Variants in TXK observed in about 807,000 individuals in gnomAD.
TXK encodes the protein TXK tyrosine kinase.
A neutral mutation model predicts 81.0 loss-of-function variants in TXK; 60 were observed. That is an observed-to-expected ratio of 0.74 (90% CI 0.60 to 0.92). The LOEUF (loss-of-function observed/expected upper bound fraction) is 0.92, where lower values mean the gene tolerates loss of function less well. Among genes scored for constraint, TXK ranks in the 40% least tolerant of loss-of-function variants. The probability of loss-of-function intolerance (pLI) is 0.00; values close to 1 mark genes in which losing one functional copy is unlikely to be tolerated. For missense variants in TXK, 581 were observed against 638.3 expected (o/e 0.91, Z 0.97); for synonymous variants, 203 against 210.7 (o/e 0.96, Z 0.32).
At position 48,076,455 on chromosome 4, in the gene TXK, A is replaced by G. The variant is rs1463638126; in HGVS notation, c.1185T>C (p.Asn395=). The part of the protein sequence containing the change: ...GYIHRDLAAR[N]CLVSSTCIVK... ...CTATGCATGTTGAACTGACCAAACA[A>G]TTCCTTGCCGCCTATGGAAAGAAGA... The change falls in exon 12 of 15, where the codon AAT becomes AAC. Residue 395 remains asparagine, a synonymous_variant. Coordinates refer to ENST00000264316, the MANE Select transcript of TXK (RefSeq NM_003328.3). 1 of 1,612,162 alleles carries G rather than the reference A, an allele frequency of 6.2e-7. No homozygotes were observed. Among genetic ancestry groups the G allele is most frequent in the East Asian group, 2.2e-5 (1 of 44,796 alleles).
Position 48,086,645 on chromosome 4 carries a change from A to C in TXK, c.785-8T>G. 1 of 1,612,482 alleles carries C rather than the reference A, an allele frequency of 6.2e-7. No homozygotes were observed. The highest frequency in any genetic ancestry group is 8.5e-7 in the Non-Finnish European group (1 of 1,178,934). ...GATCTATCTCCCACTTTTCTGAAAA[A>C]GTAAAACATCCATGTTACAAGTAGA... On this transcript the variant is annotated splice_region_variant and splice_polypyrimidine_tract_variant and intron_variant, in intron 9 of 14. Coordinates refer to ENST00000264316, the MANE Select transcript of TXK (RefSeq NM_003328.3).
intron 1 of TXK, among the ~76,000 whole-genome samples, chr4:48,125,692 T>C (rs1664889306): frequency 6.6e-6 from 1 of 152,206 alleles, no homozygotes; most frequent in African/African-American, 2.4e-5. Flanking sequence ...GGCGTGTACA[T>C]GTTTGTAAGC....
chr4:48,070,225 G>T lies in TXK; in HGVS notation c.1515+1292C>A, dbSNP rs563239444. On this transcript the variant is annotated intron_variant, in intron 14 of 14. Transcript: ENST00000264316. The stretch of plus-strand genomic sequence containing the variant: ...AAATCAAAGGGAATTTCACTGAGAA[G>T]GGCAGGGGTGTGTTGAGTCAGTGCC... Among the ~76,000 whole-genome samples, 31 of 152,340 alleles carry T rather than the reference G, an allele frequency of 2.0e-4. 1 individual carries two copies. In the South Asian group the frequency reaches 6.2e-3, roughly 31 times the overall value.
At chr4:48,079,822 C>A in intron 11 of TXK, 90 bp downstream of exon 11, 1 of 892,018 alleles carries the variant, frequency 1.1e-6, no homozygotes, top group Non-Finnish European at 1.8e-6. Context: ...AAATCAAGGA[C>A]ACATTATTCA....
At chr4:48,091,089 CAG>C (rs535866514) in intron 8 of TXK, among the ~76,000 whole-genome samples, 3 of 152,156 alleles carry the variant, frequency 2.0e-5, no homozygotes, top group Non-Finnish European at 2.9e-5. Context: ...AGAAGACAGG[CAG>C]AGAGAGGCCA....
chr4:48,089,908 C>T, intron 8 of TXK, 84 bp from the exon 9 acceptor site: 1 of 951,284 alleles, frequency 1.1e-6, no homozygotes, highest in Non-Finnish European at 1.6e-6. Flanking sequence ...CAGTACCATT[C>T]TTTAAATAAT....
At chr4:48,080,277 T>TAATGCAAAAACTTAAG in intron 10 of TXK, 149 bp from the exon 11 acceptor site, 1 of 668,234 alleles carries the variant, frequency 1.5e-6, no homozygotes, top group East Asian at 2.7e-5. Context: ...GTAGTTCAGT[T>TAATGCAAAAACTTAAG]TCCTTGCCAC....
rs534934548 is a variant in TXK, at chr4:48,100,744, G to A, written c.501+4157C>T. On this transcript the variant is annotated intron_variant, in intron 6 of 14. Coordinates refer to ENST00000264316, the MANE Select transcript of TXK (RefSeq NM_003328.3). ...AAAGATATGTGTATAGGTTATGGAT[G>A]GTAGCATTGTTTCAACAGCAAAAGA... Among the ~76,000 whole-genome samples the A allele has an allele frequency of 6.6e-5, 10 of 152,200 alleles. No homozygotes were observed. In the South Asian group the frequency reaches 2.1e-3, roughly 32 times the overall value.
intron 2 of TXK, 80 bp from the exon 3 acceptor site, chr4:48,113,389 TAGC>T: frequency 1.8e-6 from 2 of 1,135,334 alleles, no homozygotes; most frequent in African/African-American, 1.5e-5. Flanking sequence ...TTCACAGAAA[TAGC>T]AGAAAAATCC....
At chr4:48,070,799 A>T (rs1049112016) in intron 14 of TXK, among the ~76,000 whole-genome samples, 4 of 151,512 alleles carry the variant, frequency 2.6e-5, no homozygotes, top group Non-Finnish European at 4.4e-5. Context: ...GGCTGGTCTC[A>T]AACTCCTGAC....
chr4:48,101,227 A>AT (rs1718181335), intron 6 of TXK, among the ~76,000 whole-genome samples: 1 of 152,164 alleles, frequency 6.6e-6, no homozygotes, highest in Non-Finnish European at 1.5e-5. Flanking sequence ...AAAATAGGCA[A>AT]TTCTCTAGGT....
At chr4:48,070,893 CTTTTTTTT>C (rs11309334) in intron 14 of TXK, among the ~76,000 whole-genome samples, 13 of 84,332 alleles carry the variant, frequency 1.5e-4, no homozygotes, top group African/African-American at 6.8e-4. Context: ...TCATTTAATT[CTTTTTTTT>C]TTTTTTTTTT....
intron 12 of TXK, 130 bp downstream of exon 12, chr4:48,076,272 A>G (rs752073708): frequency 4.9e-5 from 30 of 610,814 alleles, no homozygotes; most frequent in Non-Finnish European, 7.9e-5. Flanking sequence ...AGGCCATACA[A>G]CCAGGCCTAC....
chr4:48,130,138 G>A (rs1719209864), intron 1 of TXK, among the ~76,000 whole-genome samples: 1 of 152,314 alleles, frequency 6.6e-6, no homozygotes, highest in Middle Eastern at 3.4e-3. Context: ...TTCAGAAAGG[G>A]CATCAAACTC....
At position 48,094,078 on chromosome 4, in the gene TXK, G is replaced by A. The variant is rs779476702; in HGVS notation, c.708C>T (p.Ala236=). The A allele has an allele frequency of 7.4e-6, 12 of 1,613,292 alleles. No homozygotes were observed. In the East Asian group the frequency reaches 1.1e-4, roughly 15 times the overall value. The change falls in exon 8 of 15, where the codon GCC becomes GCT. Residue 236 remains alanine, a splice_region_variant and synonymous_variant. Coordinates refer to ENST00000264316, the MANE Select transcript of TXK (RefSeq NM_003328.3). Reference sequence around the variant, plus strand: ...CCCAGCTGGAAGTTCCCCTCTTACCGGCTGCATTGTGCTGGTGATACCAGA... The same window carrying A: ...CCCAGCTGGAAGTTCCCCTCTTACCAGCTGCATTGTGCTGGTGATACCAGA... ...ELIWYHQHNA[A]GLMTRLRYPV... is the part of the protein sequence containing the mutation.
At chr4:48,129,631 C>G (rs1248624069) in intron 1 of TXK, among the ~76,000 whole-genome samples, 1 of 152,128 alleles carries the variant, frequency 6.6e-6, no homozygotes, top group African/African-American at 2.4e-5. Flanking sequence ...TGATGATGAC[C>G]GCTCATCTGT....
chr4:48,111,024 T>C (rs895840230), intron 4 of TXK, among the ~76,000 whole-genome samples: 2 of 152,220 alleles, frequency 1.3e-5, no homozygotes, highest in Non-Finnish European at 2.9e-5. Flanking sequence ...AAAGAAATCC[T>C]TGAACACGCC....
intron 10 of TXK, among the ~76,000 whole-genome samples, chr4:48,083,789 G>A (rs1717402439): frequency 6.6e-6 from 1 of 152,182 alleles, no homozygotes; most frequent in Non-Finnish European, 1.5e-5. Flanking sequence ...GCTAGTGGGA[G>A]AGAAATAAAA....
chr4:48,088,297 G>A (rs1717618215), intron 9 of TXK, among the ~76,000 whole-genome samples: 1 of 152,136 alleles, frequency 6.6e-6, no homozygotes, highest in Non-Finnish European at 1.5e-5. Flanking sequence ...GACCCAGCAG[G>A]TGTACACTTA....
Sources: gnomAD v4.1 joint callset for allele counts (sites outside exome capture counted in the v4.1 genomes callset) on GRCh38, gnomAD v4.1.1 for gene constraint, MANE v1.5 for transcripts, NCBI Gene and HGNC (gene_info 2026-07-23, HGNC 2026-07-21) for gene names.